The following TRAM2 variants were observed in gnomAD, a reference collection of about 807,000 sequenced individuals.
The protein encoded by TRAM2 is translocating chain-associated membrane protein 2.
TRAM2 carries 12 observed loss-of-function variants against 51.0 expected under a neutral mutation model. The ratio of observed to expected loss-of-function variants is 0.24; its 90% CI spans 0.15 to 0.38. The LOEUF is 0.38. Ranked by LOEUF, TRAM2 falls within the 10% of genes least tolerant of loss-of-function variation. The pLI is 1.00. For synonymous variants in TRAM2, 175 were observed against 179.4 expected, an observed-to-expected ratio of 0.98 and a Z score of 0.20; for missense variants, 361 against 462.0, an observed-to-expected ratio of 0.78 and a Z score of 2.00.
chr6:52,564,236 C>T (rs1767552503), intron 1 of TRAM2, among the ~76,000 whole-genome samples: 1 of 152,166 alleles, frequency 6.6e-6, no homozygotes, highest in African/African-American at 2.4e-5. Flanking sequence ...TGCAAGGAGC[C>T]ATGCCCAGCC....
At chr6:52,552,081 C>T (rs773382337) in intron 1 of TRAM2, among the ~76,000 whole-genome samples, 8 of 152,388 alleles carry the variant, frequency 5.2e-5, no homozygotes, top group East Asian at 1.9e-4. Context: ...ACCCTAGCCA[C>T]GTGCTGACAA....
At chr6:52,515,799 A>G in intron 4 of TRAM2, 2 of 542,116 alleles carry the variant, frequency 3.7e-6, no homozygotes, top group South Asian at 2.3e-5. Flanking sequence ...CTCTCCAGCT[A>G]TAAAATGGCA....
chr6:52,519,366 A>T (rs1434732408), intron 2 of TRAM2, among the ~76,000 whole-genome samples: 1 of 152,258 alleles, frequency 6.6e-6, no homozygotes, highest in Non-Finnish European at 1.5e-5. Context: ...CAATAAAGAC[A>T]TGAAAGATAC....
At chr6:52,564,424 A>T (rs1333872150) in intron 1 of TRAM2, among the ~76,000 whole-genome samples, 5 of 151,822 alleles carry the variant, frequency 3.3e-5, no homozygotes, top group Non-Finnish European at 7.4e-5. Flanking sequence ...ACCAGCCCCT[A>T]CCCAGCCCAC....
chr6:52,537,151 T>C (rs893327270), intron 1 of TRAM2, among the ~76,000 whole-genome samples: 2 of 152,228 alleles, frequency 1.3e-5, no homozygotes, highest in Admixed American at 1.3e-4. Context: ...TACACAGAGA[T>C]GCAGGACAAG....
At chr6:52,530,954 A>T (rs1766878239) in intron 2 of TRAM2, among the ~76,000 whole-genome samples, 1 of 152,110 alleles carries the variant, frequency 6.6e-6, no homozygotes, top group African/African-American at 2.4e-5. Context: ...GTTCCTTAGA[A>T]CTTGAAAACA....
chr6:52,505,699 T>A lies in TRAM2; in HGVS notation c.775A>T (p.Ile259Phe). Residue 259 changes from isoleucine (I) to phenylalanine (F), a missense_variant, in exon 9 of 11, where the codon ATC becomes TTC. Physicochemically the swap from Ile to Phe is conservative, Grantham distance 21. Transcript: ENST00000182527. ...ATGGCCAGCACGGCAAGGGTGAGGATGAAGAGGCGGGTAACCCCAAAAACA... is the reference window on the plus strand; with the variant it reads ...ATGGCCAGCACGGCAAGGGTGAGGAAGAAGAGGCGGGTAACCCCAAAAACA... ...AAVFGVTRLF[I>F]LTLAVLAIGF... 1 of 1,613,388 alleles carries A rather than the reference T, an allele frequency of 6.2e-7. No homozygotes were observed. Among genetic ancestry groups the A allele is most frequent in the Non-Finnish European group, 8.5e-7 (1 of 1,179,512 alleles).
chr6:52,516,555 C>T (rs1015220006), intron 3 of TRAM2, 73 bp downstream of exon 3: 18 of 1,260,628 alleles, frequency 1.4e-5, no homozygotes, highest in Non-Finnish European at 2.0e-5. Flanking sequence ...GCTGCAGTTT[C>T]CTCCAAGGCC....
At chr6:52,523,883 A>G (rs114697579) in intron 2 of TRAM2, 1 of 152,276 alleles carries the variant, frequency 6.6e-6, no homozygotes, top group Non-Finnish European at 1.5e-5. Context: ...CCATGGGCCA[A>G]TAGCATCAGT....
intron 1 of TRAM2, among the ~76,000 whole-genome samples, chr6:52,574,931 C>T (rs1290339195): frequency 2.4e-4 from 37 of 152,294 alleles, no homozygotes; most frequent in Non-Finnish European, 5.9e-5. Flanking sequence ...CGAGAAACTT[C>T]GTCGCTGCAG....
At chr6:52,561,487 CTTTTTT>C (rs61175622) in intron 1 of TRAM2, among the ~76,000 whole-genome samples, 1 of 130,286 alleles carries the variant, frequency 7.7e-6, no homozygotes, top group Non-Finnish European at 1.7e-5. Flanking sequence ...GTTTCTTTTT[CTTTTTT>C]TTTTTTTTTT....
At chr6:52,571,680 T>G (rs1311180152) in intron 1 of TRAM2, among the ~76,000 whole-genome samples, 2 of 152,156 alleles carry the variant, frequency 1.3e-5, no homozygotes, top group Non-Finnish European at 2.9e-5. Context: ...GGAAAAGAAG[T>G]TCTGGGGTAG....
At chr6:52,547,176 A>T (rs1008328747) in intron 1 of TRAM2, among the ~76,000 whole-genome samples, 1 of 152,150 alleles carries the variant, frequency 6.6e-6, no homozygotes, top group Non-Finnish European at 1.5e-5. Context: ...GTGCGGGAGA[A>T]GCTTAGACCA....
At chr6:52,514,398 G>A (rs1400299041) in intron 4 of TRAM2, among the ~76,000 whole-genome samples, 1 of 152,082 alleles carries the variant, frequency 6.6e-6, no homozygotes. Context: ...GGCGGGGGTC[G>A]GGGGTCACTG....
chr6:52,503,365 C>T, intron 10 of TRAM2, 95 bp from the exon 11 acceptor site: 1 of 1,128,654 alleles, frequency 8.9e-7, no homozygotes, highest in African/African-American at 1.5e-5. Context: ...GGGGCCCGGG[C>T]AGCCCAGCTG....
chr6:52,523,120 A>G, intron 2 of TRAM2: 1 of 419,810 alleles, frequency 2.4e-6, no homozygotes, highest in Non-Finnish European at 4.2e-6. Flanking sequence ...TTCTTTCCGA[A>G]TCCCTGCAAA....
intron 1 of TRAM2, among the ~76,000 whole-genome samples, chr6:52,538,836 G>A (rs989664078): frequency 6.6e-6 from 1 of 152,042 alleles, no homozygotes; most frequent in African/African-American, 2.4e-5. Context: ...TCATTCACAT[G>A]AATTATGTTC....
intron 1 of TRAM2, among the ~76,000 whole-genome samples, chr6:52,540,077 T>C (rs1452195568): frequency 2.0e-5 from 3 of 151,934 alleles, no homozygotes; most frequent in Non-Finnish European, 2.9e-5. Flanking sequence ...GAAACCATTC[T>C]AAAAAGTGCA....
At chr6:52,535,419 A>C (rs1413890395) in intron 2 of TRAM2, among the ~76,000 whole-genome samples, 4 of 152,242 alleles carry the variant, frequency 2.6e-5, no homozygotes, top group Non-Finnish European at 5.9e-5. Flanking sequence ...GTGGTGGCTC[A>C]TGCCTGTAAT....
Sources: allele counts gnomAD v4.1 joint callset (sites outside exome capture counted in the v4.1 genomes callset), GRCh38; gene constraint gnomAD v4.1.1; transcripts MANE v1.5; gene names NCBI Gene and HGNC (gene_info 2026-07-23, HGNC 2026-07-21).